Variants in SLFN12L observed in about 807,000 individuals in gnomAD.
The protein encoded by SLFN12L is schlafen family member 12-like.
A neutral mutation model predicts 34.8 loss-of-function variants in SLFN12L; 34 were observed. The observed-to-expected ratio is 0.98, with a 90% CI of 0.74 to 1.30. SLFN12L has a LOEUF of 1.30. Among genes scored for constraint, SLFN12L ranks in the 50% most tolerant of loss-of-function variants. The pLI is 0.00. For synonymous variants in SLFN12L, 259 were observed against 247.5 expected (o/e 1.05, Z -0.44); for missense variants, 703 against 696.2 (o/e 1.01, Z -0.11).
intron 2 of SLFN12L, among the ~76,000 whole-genome samples, chr17:35,498,054 G>A (rs890088566): frequency 3.3e-5 from 5 of 152,150 alleles, no homozygotes; most frequent in Non-Finnish European, 7.4e-5. Flanking sequence ...GAGTCACAGA[G>A]CGGCCGCCCA....
intron 2 of SLFN12L, among the ~76,000 whole-genome samples, chr17:35,513,472 T>G (rs1054136338): frequency 7.2e-5 from 11 of 152,346 alleles, no homozygotes; most frequent in African/African-American, 2.4e-4. Flanking sequence ...CACAGATTTT[T>G]AGGCAGAATG....
rs956419001 is a variant in SLFN12L, at chr17:35,472,237, A to G, written c.*2686T>C. ...TAATCTATCTTGAGTTAATTTTTGTATAAAGTGTAAGGAAGGGATCCAGTT... is the reference window on the plus strand; with the variant it reads ...TAATCTATCTTGAGTTAATTTTTGTGTAAAGTGTAAGGAAGGGATCCAGTT... On this transcript the variant is annotated 3_prime_UTR_variant, in exon 5 of 5. Coordinates refer to ENST00000628453, the MANE Select transcript of SLFN12L (RefSeq NM_001363830.2). 2.0e-5 allele frequency among the ~76,000 whole-genome samples: 3 copies of G among 152,156 alleles called. No homozygotes were observed. Among genetic ancestry groups the G allele is most frequent in the Admixed American group, 1.3e-4 (2 of 15,268 alleles).
At chr17:35,489,616 A>G (rs974463035) in intron 2 of SLFN12L, among the ~76,000 whole-genome samples, 1 of 152,180 alleles carries the variant, frequency 6.6e-6, no homozygotes, top group African/African-American at 2.4e-5. Context: ...AAATTATATT[A>G]AGACCAACAG....
chr17:35,536,650 T>C (rs1338426013), intron 1 of SLFN12L, among the ~76,000 whole-genome samples: 2 of 150,674 alleles, frequency 1.3e-5, no homozygotes, highest in East Asian at 2.0e-4. Context: ...CTACAAAATA[T>C]AAAAAAATTA....
At position 35,475,502 on chromosome 17, in the gene SLFN12L, T is replaced by G. The variant is rs746427580; in HGVS notation, c.1277-17A>C. 6.5e-7 allele frequency: 1 copy of G among 1,549,906 alleles called. No homozygotes were observed. Among genetic ancestry groups the G allele is most frequent in the Non-Finnish European group, 8.7e-7 (1 of 1,152,812 alleles). ...CTGATAGCCCTAGATGGGGAAATAATGATAAATTATAAAAGACTGAGAACT... is the reference window on the plus strand; with the variant it reads ...CTGATAGCCCTAGATGGGGAAATAAGGATAAATTATAAAAGACTGAGAACT... On this transcript the variant is annotated splice_polypyrimidine_tract_variant and intron_variant, in intron 4 of 4. Coordinates refer to ENST00000628453, the MANE Select transcript of SLFN12L (RefSeq NM_001363830.2).
At chr17:35,503,576 T>C (rs1915371329) in intron 2 of SLFN12L, among the ~76,000 whole-genome samples, 1 of 151,930 alleles carries the variant, frequency 6.6e-6, no homozygotes, top group South Asian at 2.1e-4. Flanking sequence ...TAAAAACTAA[T>C]AAAAAATAGG....
At chr17:35,533,622 A>T (rs1271002261) in intron 1 of SLFN12L, among the ~76,000 whole-genome samples, 1 of 152,212 alleles carries the variant, frequency 6.6e-6, no homozygotes, top group African/African-American at 2.4e-5. Context: ...GAAGGGGGGG[A>T]AGAATTTTCT....
intron 2 of SLFN12L, chr17:35,487,906 A>C (rs1245293537): frequency 9.2e-6 from 7 of 763,998 alleles, no homozygotes; most frequent in Non-Finnish European, 1.6e-5. Context: ...GCCTTTGGAA[A>C]CGGTGTGTCT....
rs1453746848 is a variant in SLFN12L at position 35,468,059 on chromosome 17, A to G, written c.*6864T>C. Among the ~76,000 whole-genome samples the G allele has an allele frequency of 6.6e-6, 1 of 152,054 alleles. No homozygotes were observed. Among genetic ancestry groups the G allele is most frequent in the Non-Finnish European group, 1.5e-5 (1 of 68,006 alleles). ...TGAGAAGCTGCGACCACAGGCACAC[A>G]CTACCACGCCCAGCTAATTTTTTAT... is the stretch of plus-strand genomic sequence containing the variant. On this transcript the variant is annotated 3_prime_UTR_variant, in exon 5 of 5. Coordinates refer to ENST00000628453, the MANE Select transcript of SLFN12L (RefSeq NM_001363830.2).
At chr17:35,530,417 GGAA>G (rs1441376684) in intron 1 of SLFN12L, among the ~76,000 whole-genome samples, 1,966 of 12,856 alleles carry the variant, frequency 0.15, 410 homozygotes, top group Admixed American at 0.33. Context: ...AAGGAAGGAA[GGAA>G]GGAAGGAAGG....
At chr17:35,488,276 C>T (rs1914687905) in intron 2 of SLFN12L, among the ~76,000 whole-genome samples, 1 of 152,228 alleles carries the variant, frequency 6.6e-6, no homozygotes, top group South Asian at 2.1e-4. Flanking sequence ...TATCCCAGAG[C>T]AGCCCTGCTG....
At chr17:35,527,597 A>G (rs2072350629) in intron 1 of SLFN12L, among the ~76,000 whole-genome samples, 1 of 152,212 alleles carries the variant, frequency 6.6e-6, no homozygotes, top group South Asian at 2.1e-4. Flanking sequence ...ACGAATGACA[A>G]AAGCCACATG....
At chr17:35,491,286 C>T (rs76242111) in intron 2 of SLFN12L, 36,617 of 747,364 alleles carry the variant, frequency 0.049, 1,388 homozygotes, top group East Asian at 0.19. Context: ...TTTTTTAAAT[C>T]ATGGAACCAG....
chr17:35,487,166 G>A (rs1180560769), intron 2 of SLFN12L, among the ~76,000 whole-genome samples: 2 of 152,220 alleles, frequency 1.3e-5, no homozygotes, highest in Non-Finnish European at 2.9e-5. Context: ...GCCAAGTCTG[G>A]CCTGTCCATA....
rs1914000377 is a variant in SLFN12L, at chr17:35,476,281, G to A, written c.1277-796C>T. 4.6e-5 allele frequency among the ~76,000 whole-genome samples: 7 copies of A among 152,094 alleles called. 1 individual carries two copies. Among genetic ancestry groups the A allele is most frequent in the Admixed American group, 4.6e-4 (7 of 15,264 alleles). On this transcript the variant is annotated intron_variant, in intron 4 of 4. Transcript: ENST00000628453. ...TTCCCTCAACTCACTGGCTAATACA[G>A]GTGAGATGCTAGAAACACAGAAGAA...
rs879665840 is a variant in SLFN12L at position 35,521,711 on chromosome 17, A to T, written c.86+568T>A. On this transcript the variant is annotated intron_variant, in intron 2 of 4. Transcript: ENST00000628453. Reference sequence around the variant, plus strand: ...GCTTGAGCTACATAATTGTTTTTACAAAAATATTTTTAAATTATCCAGGCA... The same window carrying T: ...GCTTGAGCTACATAATTGTTTTTACTAAAATATTTTTAAATTATCCAGGCA... Among the ~76,000 whole-genome samples, 103 of 152,136 alleles carry T rather than the reference A, an allele frequency of 6.8e-4. 2 individuals carry two copies. The highest frequency in any genetic ancestry group is 1.2e-4 in the Non-Finnish European group (8 of 68,024).
At position 35,489,982 on chromosome 17, in the gene SLFN12L, T is replaced by A; in HGVS notation, c.87-9787A>T. On this transcript the variant is annotated intron_variant, in intron 2 of 4. Coordinates refer to ENST00000628453, the MANE Select transcript of SLFN12L (RefSeq NM_001363830.2). ...ATTTTTAAAAAGAACCCTTAGCAAA[T>A]TGGGAATAGAAAGAAATATCCGACA... 2.6e-6 allele frequency: 4 copies of A among 1,529,816 alleles called. No individual in the cohort carries two copies. In the South Asian group the frequency reaches 4.5e-5, roughly 17 times the overall value. 94.8% of individuals were successfully genotyped at this position (1,529,816 alleles called of 1,614,324 possible). A position where few individuals can be genotyped will look rare whatever the true frequency, so the allele number is the denominator to read the frequency against.
chr17:35,497,386 C>T (rs1390057525), intron 2 of SLFN12L, among the ~76,000 whole-genome samples: 2 of 151,714 alleles, frequency 1.3e-5, no homozygotes, highest in African/African-American at 2.4e-5. Flanking sequence ...AGCAAAACTC[C>T]ATCTAAAAAA....
chr17:35,496,166 T>C (rs548334564), intron 2 of SLFN12L, among the ~76,000 whole-genome samples: 2 of 152,030 alleles, frequency 1.3e-5, no homozygotes, highest in East Asian at 3.9e-4. Flanking sequence ...CCACCTGTGG[T>C]CATCCCTGGG....
Sources: allele counts gnomAD v4.1 joint callset (sites outside exome capture counted in the v4.1 genomes callset), GRCh38; gene constraint gnomAD v4.1.1; transcripts MANE v1.5; gene names NCBI Gene and HGNC (gene_info 2026-07-23, HGNC 2026-07-21).